VRK1: variants seen among roughly 807,000 people sequenced by gnomAD.
VRK1 encodes the protein serine/threonine-protein kinase VRK1.
In VRK1, 33 loss-of-function variants were observed where a neutral mutation model predicts 57.1. That is an observed-to-expected ratio of 0.58 (90% confidence interval 0.44 to 0.77). The LOEUF (loss-of-function observed/expected upper bound fraction) is 0.77. VRK1 is among the 30% of genes least tolerant of loss of function. The probability of loss-of-function intolerance (pLI) is 0.00; values close to 1 mark genes in which losing one functional copy is unlikely to be tolerated. For synonymous variants in VRK1, 137 were observed against 147.8 expected, an observed-to-expected ratio of 0.93 and a Z score of 0.53; for missense variants, 413 against 477.3, an observed-to-expected ratio of 0.87 and a Z score of 1.25.
rs930798555 is a variant in VRK1, at chr14:96,876,187, T to A, written c.1159+67T>A. 2.3e-5 allele frequency: 34 copies of A among 1,463,990 alleles called. No individual in the cohort carries two copies. The African/African-American group carries it at 4.6e-4, about 20-fold the overall frequency. 90.7% of individuals were successfully genotyped at this position (1,463,990 alleles called of 1,614,324 possible). On this transcript the variant is annotated intron_variant, in intron 12 of 12. Transcript: ENST00000216639. ...ACAAATTTCATTTCCTCCCATTAGATGAGGGGTCAACTATTTGGGTCATGA... is the reference window on the plus strand; with the variant it reads ...ACAAATTTCATTTCCTCCCATTAGAAGAGGGGTCAACTATTTGGGTCATGA...
At chr14:96,876,876 C>G in intron 12 of VRK1, among the ~76,000 whole-genome samples, 1 of 151,766 alleles carries the variant, frequency 6.6e-6, no homozygotes, top group East Asian at 1.9e-4. Flanking sequence ...CCAATAGTTC[C>G]AGAAATGACA....
chr14:96,811,629 G>A (rs1886209148), intron 1 of VRK1, among the ~76,000 whole-genome samples: 1 of 152,182 alleles, frequency 6.6e-6, no homozygotes, highest in Non-Finnish European at 1.5e-5. Flanking sequence ...CCATTTGCTG[G>A]TTTCTTTGTG....
chr14:96,854,042 C>G (rs139825054), intron 7 of VRK1, among the ~76,000 whole-genome samples: 2 of 152,038 alleles, frequency 1.3e-5, no homozygotes, highest in East Asian at 1.9e-4. Flanking sequence ...GCTTCCCTTC[C>G]TCCAATGTCA....
intron 1 of VRK1, among the ~76,000 whole-genome samples, chr14:96,822,080 C>CTT (rs71103555): frequency 2.1e-5 from 3 of 141,676 alleles, no homozygotes; most frequent in Admixed American, 1.4e-4. Context: ...CTGTCCCTGC[C>CTT]TTTTTTTTTT....
At chr14:96,808,017 C>CTGTGTGTGTGTGTGTG (rs3049309) in intron 1 of VRK1, among the ~76,000 whole-genome samples, 2 of 127,334 alleles carry the variant, frequency 1.6e-5, no homozygotes, top group South Asian at 2.8e-4. Context: ...CTCTCTCCCT[C>CTGTGTGTGTGTGTGTG]TGTGTGTGTG....
At chr14:96,845,112 A>G (rs931728574) in intron 3 of VRK1, among the ~76,000 whole-genome samples, 1 of 152,178 alleles carries the variant, frequency 6.6e-6, no homozygotes, top group African/African-American at 2.4e-5. Flanking sequence ...TATTCTGCCC[A>G]AAATAATTTT....
At chr14:96,876,446 G>A (rs182169305) in intron 12 of VRK1, among the ~76,000 whole-genome samples, 13 of 152,240 alleles carry the variant, frequency 8.5e-5, no homozygotes, top group African/African-American at 3.1e-4. Flanking sequence ...GAGGCAGGAG[G>A]ATCACTTGAG....
At chr14:96,875,999 C>G in intron 11 of VRK1, 31 bp from the exon 12 acceptor site, 3 of 1,435,536 alleles carry the variant, frequency 2.1e-6, no homozygotes, top group African/African-American at 2.8e-5. Flanking sequence ...TGTCAGATAT[C>G]TCTCTCTCTC....
chr14:96,817,284 AG>A (rs768679329), intron 1 of VRK1, among the ~76,000 whole-genome samples: 2 of 152,012 alleles, frequency 1.3e-5, no homozygotes, highest in Non-Finnish European at 2.9e-5. Flanking sequence ...TATAATTTAA[AG>A]GGTTCTTTAA....
chr14:96,876,968 T>TC (rs1889062694), intron 12 of VRK1, among the ~76,000 whole-genome samples: 1 of 152,106 alleles, frequency 6.6e-6, no homozygotes, highest in Non-Finnish European at 1.5e-5. Context: ...GCCAATGTGT[T>TC]CCAGGATTCA....
In VRK1 at chr14:96,847,373, C is replaced by T. The variant is rs571376422; in HGVS notation, c.374+29C>T. On this transcript the variant is annotated intron_variant, in intron 5 of 12. Coordinates refer to ENST00000216639, the MANE Select transcript of VRK1 (RefSeq NM_003384.3). The stretch of plus-strand genomic sequence containing the variant: ...AAAATATGTGTGATTTGTCTTTCTC[C>T]TTCCCTTTTGCAACATTCACTATTT... 29 of 1,576,660 alleles carry T rather than the reference C, an allele frequency of 1.8e-5. No homozygotes were observed. In the Admixed American group the frequency reaches 4.0e-4, roughly 22 times the overall value.
intron 3 of VRK1, among the ~76,000 whole-genome samples, chr14:96,842,964 A>G (rs1307977919): frequency 6.6e-6 from 1 of 152,220 alleles, no homozygotes. Context: ...TGCTGATAAT[A>G]CATGTATCTG....
At chr14:96,800,558 A>G (rs918216422) in intron 1 of VRK1, among the ~76,000 whole-genome samples, 1 of 152,126 alleles carries the variant, frequency 6.6e-6, no homozygotes, top group African/African-American at 2.4e-5. Flanking sequence ...TTCTTCAGGA[A>G]ATTTATTAAG....
At chr14:96,807,440 T>G (rs1347148192) in intron 1 of VRK1, among the ~76,000 whole-genome samples, 4 of 152,232 alleles carry the variant, frequency 2.6e-5, no homozygotes, top group Non-Finnish European at 2.9e-5. Context: ...GTTTACCACA[T>G]TGGTGGCTTT....
At chr14:96,853,498 A>G (rs1888031383) in intron 7 of VRK1, among the ~76,000 whole-genome samples, 1 of 152,034 alleles carries the variant, frequency 6.6e-6, no homozygotes, top group Admixed American at 6.5e-5. Context: ...CACTTTTTTT[A>G]TTCCTTTGTT....
At chr14:96,863,402 T>C (rs182026946) in intron 11 of VRK1, among the ~76,000 whole-genome samples, 32 of 152,326 alleles carry the variant, frequency 2.1e-4, no homozygotes, top group Non-Finnish European at 2.5e-4. Context: ...ATCAATGACA[T>C]GTGGTCCCAT....
intron 11 of VRK1, among the ~76,000 whole-genome samples, chr14:96,871,829 AT>A (rs907430099): frequency 4.3e-4 from 65 of 151,232 alleles, no homozygotes; most frequent in African/African-American, 1.6e-3. Flanking sequence ...TTTTATTTTT[AT>A]TTTTTTTTGA....
chr14:96,852,562 T>G (rs1190627659), intron 5 of VRK1, among the ~76,000 whole-genome samples: 1 of 152,204 alleles, frequency 6.6e-6, no homozygotes, highest in African/African-American at 2.4e-5. Flanking sequence ...TGTTGGGTTC[T>G]CTCTGTGAGC....
At chr14:96,798,489 A>G (rs770336648) in intron 1 of VRK1, among the ~76,000 whole-genome samples, 20 of 152,228 alleles carry the variant, frequency 1.3e-4, no homozygotes, top group Non-Finnish European at 2.5e-4. Flanking sequence ...ACAACTTGGA[A>G]ATACAATTTG....
Sources: allele counts gnomAD v4.1 joint callset (sites outside exome capture counted in the v4.1 genomes callset), GRCh38; gene constraint gnomAD v4.1.1; transcripts MANE v1.5; gene names NCBI Gene and HGNC (gene_info 2026-07-23, HGNC 2026-07-21).